Variants in SUSD4 observed in about 807,000 individuals in gnomAD.
The protein encoded by SUSD4 is sushi domain containing 4, also known as sushi domain-containing protein 4.
A neutral mutation model predicts 50.5 loss-of-function variants in SUSD4; 41 were observed. The observed-to-expected ratio is 0.81, with a 90% CI of 0.63 to 1.05. SUSD4 has a LOEUF of 1.05. SUSD4 is among the 50% of genes least tolerant of loss of function. SUSD4 has a pLI of 0.00. For missense variants in SUSD4, 580 were observed against 634.7 expected (o/e 0.91, Z 0.93); for synonymous variants, 257 against 257.3 (o/e 1.00, Z 0.01).
At chr1:223,344,892 T>C (rs1667948750) in intron 2 of SUSD4, among the ~76,000 whole-genome samples, 1 of 152,220 alleles carries the variant, frequency 6.6e-6, no homozygotes, top group African/African-American at 2.4e-5. Flanking sequence ...GCTGGGAATT[T>C]GGAAGCTAAA....
At chr1:223,348,299 C>A (rs527860436) in intron 2 of SUSD4, among the ~76,000 whole-genome samples, 1 of 152,052 alleles carries the variant, frequency 6.6e-6, no homozygotes, top group Admixed American at 6.6e-5. Flanking sequence ...ATATTTTCAG[C>A]GGGAAAAAAT....
intron 2 of SUSD4, among the ~76,000 whole-genome samples, chr1:223,300,025 CAT>C (rs1172701023): frequency 1.3e-5 from 2 of 152,226 alleles, no homozygotes; most frequent in Non-Finnish European, 2.9e-5. Flanking sequence ...GTGAATGACA[CAT>C]ATGCTGAATG....
At position 223,353,707 on chromosome 1, in the gene SUSD4, A is replaced by G. The variant is rs1668494080; in HGVS notation, c.148+9571T>C. Among the ~76,000 whole-genome samples, 8 of 152,188 alleles carry G rather than the reference A, an allele frequency of 5.3e-5. No homozygotes were observed. In the South Asian group the frequency reaches 1.7e-3, roughly 32 times the overall value. Reference sequence around the variant, plus strand: ...AGAATCTGTATCCGGAGGGCTGAGCACATTTTTTAAAATCCCGGTGCCCCA... The same window carrying G: ...AGAATCTGTATCCGGAGGGCTGAGCGCATTTTTTAAAATCCCGGTGCCCCA... On this transcript the variant is annotated intron_variant, in intron 2 of 8. Coordinates refer to ENST00000366878, the MANE Select transcript of SUSD4 (RefSeq NM_017982.4).
chr1:223,305,077 G>A (rs954254555), intron 2 of SUSD4, among the ~76,000 whole-genome samples: 4 of 151,664 alleles, frequency 2.6e-5, no homozygotes, highest in Non-Finnish European at 5.9e-5. Context: ...TCCTTCTCTT[G>A]GCCACAAGGT....
chr1:223,312,813 C>G lies in SUSD4; in HGVS notation c.149-20162G>C, dbSNP rs1202289955. Among the ~76,000 whole-genome samples, 3 of 152,156 alleles carry G rather than the reference C, an allele frequency of 2.0e-5. No individual in the cohort carries two copies. The South Asian group carries it at 6.2e-4, about 32-fold the overall frequency. On this transcript the variant is annotated intron_variant, in intron 2 of 8. Coordinates refer to ENST00000366878, the MANE Select transcript of SUSD4 (RefSeq NM_017982.4). ...CAGTGTCACCCATCAGCCAGTGAGG[C>G]AGATGAGGAAAGGAAGGCTGAAGCC...
At chr1:223,329,576 C>T (rs1225762798) in intron 2 of SUSD4, among the ~76,000 whole-genome samples, 1 of 152,206 alleles carries the variant, frequency 6.6e-6, no homozygotes, top group African/African-American at 2.4e-5. Flanking sequence ...GAAAGGCACA[C>T]ACTCCTGATT....
chr1:223,228,259 C>T (rs1042509061), intron 6 of SUSD4, among the ~76,000 whole-genome samples: 1 of 152,202 alleles, frequency 6.6e-6, no homozygotes, highest in Admixed American at 6.5e-5. Context: ...AAGAGCAGAC[C>T]TTTCCAGAAG....
At chr1:223,290,523 C>T (rs941227758) in intron 3 of SUSD4, among the ~76,000 whole-genome samples, 42 of 131,290 alleles carry the variant, frequency 3.2e-4, no homozygotes, top group Admixed American at 1.2e-3. Context: ...GAGCACATCA[C>T]GACTGGAATC....
At chr1:223,257,365 CA>C (rs113889113) in intron 5 of SUSD4, among the ~76,000 whole-genome samples, 1 of 150,578 alleles carries the variant, frequency 6.6e-6, no homozygotes, top group African/African-American at 2.4e-5. Context: ...AATTAAAAAA[CA>C]AAAAAAAACA....
At chr1:223,237,879 T>A (rs1660327300) in intron 5 of SUSD4, among the ~76,000 whole-genome samples, 1 of 152,026 alleles carries the variant, frequency 6.6e-6, no homozygotes, top group Admixed American at 6.5e-5. Context: ...CAGGAAGTAT[T>A]CCTTCTGCTT....
chr1:223,270,168 G>C (rs928756491), intron 3 of SUSD4, among the ~76,000 whole-genome samples: 6 of 152,156 alleles, frequency 3.9e-5, no homozygotes, highest in African/African-American at 1.4e-4. Context: ...GGATGCAGGG[G>C]TGGTGGCTGT....
At chr1:223,360,650 C>T (rs1047542934) in intron 2 of SUSD4, among the ~76,000 whole-genome samples, 1 of 152,134 alleles carries the variant, frequency 6.6e-6, no homozygotes, top group African/African-American at 2.4e-5. Context: ...CTAGTTCAGG[C>T]TTTTTCTTCA....
intron 2 of SUSD4, among the ~76,000 whole-genome samples, chr1:223,354,626 C>G (rs891631616): frequency 6.6e-6 from 1 of 152,268 alleles, no homozygotes; most frequent in Non-Finnish European, 1.5e-5. Context: ...GATGAGCCCC[C>G]CAACACACAC....
At chr1:223,274,760 T>C (rs945636817) in intron 3 of SUSD4, among the ~76,000 whole-genome samples, 3 of 152,220 alleles carry the variant, frequency 2.0e-5, no homozygotes, top group African/African-American at 7.2e-5. Context: ...GGACTGAGAC[T>C]GCTACACATT....
chr1:223,358,939 A>T (rs1668816640), intron 2 of SUSD4: 1 of 380,280 alleles, frequency 2.6e-6, no homozygotes, highest in East Asian at 7.5e-5. Context: ...AAACTAAGGG[A>T]CTTAACACTA....
chr1:223,268,892 G>A (rs984543412), intron 3 of SUSD4, among the ~76,000 whole-genome samples: 3 of 152,142 alleles, frequency 2.0e-5, no homozygotes, highest in Non-Finnish European at 4.4e-5. Flanking sequence ...AGGGACCCAG[G>A]GCGTGGGGAT....
At chr1:223,252,236 A>AAAAAAAAATATAT (rs1343732568) in intron 5 of SUSD4, among the ~76,000 whole-genome samples, 2 of 89,714 alleles carry the variant, frequency 2.2e-5, no homozygotes, top group African/African-American at 8.1e-5. Context: ...AAAAAAAAAA[A>AAAAAAAAATATAT]ATATATATAT....
At chr1:223,340,816 C>T (rs921205148) in intron 2 of SUSD4, among the ~76,000 whole-genome samples, 12 of 152,256 alleles carry the variant, frequency 7.9e-5, no homozygotes, top group South Asian at 6.2e-4. Flanking sequence ...CTGAACTCCC[C>T]GGAGGAACAT....
At chr1:223,223,097 G>A (rs1292482167) in intron 8 of SUSD4, 152 bp downstream of exon 8, 1 of 1,146,086 alleles carries the variant, frequency 8.7e-7, no homozygotes, top group African/African-American at 1.6e-5. Context: ...TACATGGAGA[G>A]AGAGCATGAA....
Sources: gnomAD v4.1 joint callset for allele counts (sites outside exome capture counted in the v4.1 genomes callset) on GRCh38, gnomAD v4.1.1 for gene constraint, MANE v1.5 for transcripts, NCBI Gene and HGNC (gene_info 2026-07-23, HGNC 2026-07-21) for gene names.